The following RBFOX1 variants were observed in gnomAD, a reference collection of about 807,000 sequenced individuals.
RBFOX1 encodes the protein RNA binding protein fox-1 homolog 1.
Under a neutral mutation model 57.7 loss-of-function variants are expected in RBFOX1, and 8 were observed. That is an observed-to-expected ratio of 0.14 (90% CI 0.08 to 0.25). The LOEUF (loss-of-function observed/expected upper bound fraction) is 0.25, where lower values mean the gene tolerates loss of function less well. Ranked by LOEUF, RBFOX1 falls within the 10% of genes least tolerant of loss-of-function variation. The pLI is 1.00. For synonymous variants in RBFOX1, 326 were observed against 222.4 expected, an observed-to-expected ratio of 1.47 and a Z score of -4.15; for missense variants, 611 against 548.5, an observed-to-expected ratio of 1.11 and a Z score of -1.14.
intron 1 of RBFOX1, among the ~76,000 whole-genome samples, chr16:5,443,826 A>T (rs893047949): frequency 6.6e-6 from 1 of 152,188 alleles, no homozygotes; most frequent in Non-Finnish European, 1.5e-5. Context: ...TACTTAGAAG[A>T]ATGGTCACCT....
chr16:5,797,628 A>G (rs2054921875), intron 3 of RBFOX1, among the ~76,000 whole-genome samples: 1 of 152,224 alleles, frequency 6.6e-6, no homozygotes, highest in Admixed American at 6.5e-5. Context: ...TTTGCTTGAA[A>G]TATTTGAAAG....
At chr16:5,491,043 A>G (rs929211304) in intron 2 of RBFOX1, among the ~76,000 whole-genome samples, 41 of 152,182 alleles carry the variant, frequency 2.7e-4, no homozygotes, top group East Asian at 1.2e-3. Flanking sequence ...TTGATCTGCA[A>G]TGGCCAATAT....
intron 2 of RBFOX1, among the ~76,000 whole-genome samples, chr16:6,528,071 C>T (rs931418220): frequency 2.6e-5 from 4 of 152,154 alleles, no homozygotes; most frequent in African/African-American, 9.7e-5. Flanking sequence ...CAAAGATCAA[C>T]AAAATCTTGT....
chr16:5,925,182 G>A (rs897617941), intron 4 of RBFOX1, among the ~76,000 whole-genome samples: 2 of 152,130 alleles, frequency 1.3e-5, no homozygotes, highest in South Asian at 2.1e-4. Context: ...CCCTGCACCT[G>A]AGCCCAGTCC....
In RBFOX1 at chr16:7,013,491, A is replaced by C. The variant is rs1464311938; in HGVS notation, c.-15-38566A>C. ...CAGATGGAGTGAAGGCATGCCTCTA[A>C]ATATCCTGCATTACACAGGACAGTC... On this transcript the variant is annotated intron_variant, in intron 3 of 15. Transcript: ENST00000550418. Among the ~76,000 whole-genome samples, 4 of 152,320 alleles carry C rather than the reference A, an allele frequency of 2.6e-5. No individual in the cohort carries two copies. The South Asian group carries it at 6.2e-4, about 24-fold the overall frequency.
At chr16:7,268,934 G>T (rs890096713) in intron 4 of RBFOX1, among the ~76,000 whole-genome samples, 8 of 151,102 alleles carry the variant, frequency 5.3e-5, no homozygotes, top group African/African-American at 1.5e-4. Context: ...CTACTCAGGA[G>T]CCTGAGGCAG....
chr16:5,852,880 T>C (rs1425104486), intron 3 of RBFOX1, among the ~76,000 whole-genome samples: 3 of 152,108 alleles, frequency 2.0e-5, no homozygotes, highest in African/African-American at 7.2e-5. Flanking sequence ...ACCTTTCCCC[T>C]GCCAGCAGAC....
At chr16:5,359,063 T>C (rs1176942004) in intron 1 of RBFOX1, among the ~76,000 whole-genome samples, 1 of 152,208 alleles carries the variant, frequency 6.6e-6, no homozygotes, top group East Asian at 1.9e-4. Flanking sequence ...GAACATGTGA[T>C]GTTTTTGTTT....
chr16:6,856,222 A>G (rs2057873453), intron 3 of RBFOX1, among the ~76,000 whole-genome samples: 1 of 152,152 alleles, frequency 6.6e-6, no homozygotes, highest in South Asian at 2.1e-4. Flanking sequence ...AGCCACGAGA[A>G]ACATCTGAAT....
intron 1 of RBFOX1, among the ~76,000 whole-genome samples, chr16:6,078,019 C>T (rs1979158): frequency 0.73 from 111,247 of 151,944 alleles, 41,005 homozygotes; most frequent in Non-Finnish European, 0.76. Context: ...GAATCTGAGA[C>T]TGAACATTTT....
intron 1 of RBFOX1, among the ~76,000 whole-genome samples, chr16:5,437,639 A>G (rs2067956962): frequency 6.6e-6 from 1 of 152,244 alleles, no homozygotes; most frequent in Non-Finnish European, 1.5e-5. Flanking sequence ...ATATTAACCA[A>G]AATTAAGACA....
At chr16:7,677,132 TACACAC>T (rs59379802) in intron 14 of RBFOX1, among the ~76,000 whole-genome samples, 36 of 137,948 alleles carry the variant, frequency 2.6e-4, no homozygotes, top group African/African-American at 3.7e-4. Flanking sequence ...CACATACACA[TACACAC>T]ACACACACAC....
chr16:5,574,434 T>TA (rs1390573298), intron 2 of RBFOX1, among the ~76,000 whole-genome samples: 1 of 151,848 alleles, frequency 6.6e-6, no homozygotes, highest in African/African-American at 2.4e-5. Context: ...TCTTTTTTTT[T>TA]TTTAAGACGG....
At chr16:6,233,878 A>G (rs2097485132) in intron 1 of RBFOX1, among the ~76,000 whole-genome samples, 1 of 152,124 alleles carries the variant, frequency 6.6e-6, no homozygotes, top group Non-Finnish European at 1.5e-5. Flanking sequence ...GTCTTAGTCT[A>G]TTTTGTGCTC....
At chr16:6,058,220 T>C (rs1263752965) in intron 1 of RBFOX1, among the ~76,000 whole-genome samples, 1 of 152,118 alleles carries the variant, frequency 6.6e-6, no homozygotes, top group South Asian at 2.1e-4. Flanking sequence ...ATCAGAAATA[T>C]GAGTGTTTAT....
In RBFOX1 at chr16:7,548,146, C is replaced by T. The variant is rs539493583; in HGVS notation, c.270+29757C>T. On this transcript the variant is annotated intron_variant, in intron 5 of 15. Coordinates refer to ENST00000550418, the MANE Select transcript of RBFOX1 (RefSeq NM_018723.4). ...AAACAAACCGAGGAGTTATTCACGT[C>T]ATATTCTTTCTTACTCGTTTTTCAT... is the stretch of plus-strand genomic sequence containing the variant. 1.1e-4 allele frequency among the ~76,000 whole-genome samples: 16 copies of T among 152,208 alleles called. No homozygotes were observed. In the East Asian group the frequency reaches 1.7e-3, roughly 17 times the overall value.
chr16:6,380,752 A>G (rs557390277), intron 2 of RBFOX1, among the ~76,000 whole-genome samples: 107 of 152,288 alleles, frequency 7.0e-4, no homozygotes, highest in African/African-American at 2.6e-3. Flanking sequence ...GGTCCAAAGG[A>G]GAACACATAA....
intron 4 of RBFOX1, among the ~76,000 whole-genome samples, chr16:5,945,479 G>A (rs2152270373): frequency 6.6e-6 from 1 of 152,328 alleles, no homozygotes; most frequent in African/African-American, 2.4e-5. Flanking sequence ...CTCTAGGCAT[G>A]TGCCAGGCTG....
At chr16:7,432,808 A>G (rs1044021588) in intron 4 of RBFOX1, among the ~76,000 whole-genome samples, 5 of 152,182 alleles carry the variant, frequency 3.3e-5, no homozygotes, top group Middle Eastern at 3.2e-3. Context: ...TCCTGGAACT[A>G]TGGCTCCTTT....
Sources: allele counts gnomAD v4.1 joint callset (sites outside exome capture counted in the v4.1 genomes callset), GRCh38; gene constraint gnomAD v4.1.1; transcripts MANE v1.5; gene names NCBI Gene and HGNC (gene_info 2026-07-23, HGNC 2026-07-21).